Variants in GNAS observed in about 807,000 individuals in gnomAD.
GNAS encodes the protein GNAS complex locus.
In GNAS, 8 loss-of-function variants were observed where a neutral mutation model predicts 54.5. The ratio of observed to expected loss-of-function variants is 0.15; its 90% CI spans 0.09 to 0.26. The LOEUF (loss-of-function observed/expected upper bound fraction) is 0.26, where lower values mean the gene tolerates loss of function less well. Ranked by LOEUF, GNAS falls within the 10% of genes least tolerant of loss-of-function variation. The probability of loss-of-function intolerance (pLI) is 1.00; values close to 1 mark genes in which losing one functional copy is unlikely to be tolerated. For missense variants in GNAS, 170 were observed against 529.8 expected, an observed-to-expected ratio of 0.32 and a Z score of 6.67; for synonymous variants, 204 against 191.4, an observed-to-expected ratio of 1.07 and a Z score of -0.54.
chr20:58,870,014 G>T (rs1336135481), intron 1 of GNAS, among the ~76,000 whole-genome samples: 2 of 152,182 alleles, frequency 1.3e-5, no homozygotes, highest in Admixed American at 1.3e-4. Context: ...GCTGGAAAAT[G>T]ATGAGGTCAT....
intron 3 of GNAS, among the ~76,000 whole-genome samples, chr20:58,900,893 C>T (rs973150835): frequency 5.9e-5 from 9 of 152,202 alleles, no homozygotes; most frequent in Admixed American, 5.2e-4. Flanking sequence ...CTGTTTTATA[C>T]TTGATATACT....
chr20:58,900,408 C>T, intron 3 of GNAS: 1 of 208,168 alleles, frequency 4.8e-6, no homozygotes, highest in East Asian at 7.4e-5. Context: ...CATGTTTCAG[C>T]AATCCCTGTA....
chr20:58,882,880 G>A (rs2088331982), intron 1 of GNAS: 1 of 152,172 alleles, frequency 6.6e-6, no homozygotes, highest in African/African-American at 2.4e-5. Flanking sequence ...AGAATGAGAA[G>A]TTAGATTTTC....
At chr20:58,903,964 C>G (rs1569017286) in intron 5 of GNAS, among the ~76,000 whole-genome samples, 173 bp downstream of exon 5, 1 of 152,154 alleles carries the variant, frequency 6.6e-6, no homozygotes, top group Admixed American at 6.5e-5. Context: ...CATGTGTAAC[C>G]TTAATTTAAT....
intron 1 of GNAS, among the ~76,000 whole-genome samples, chr20:58,876,142 C>T (rs1321435649): frequency 1.3e-5 from 2 of 152,116 alleles, no homozygotes; most frequent in African/African-American, 2.4e-5. Flanking sequence ...CAGATATTAG[C>T]AATACTCTTA....
At position 58,841,116 on chromosome 20, in the gene GNAS, G is replaced by A. The variant is rs1032410869; in HGVS notation, c.43+230G>A. Among the ~76,000 whole-genome samples the A allele has an allele frequency of 1.2e-4, 19 of 152,214 alleles. No homozygotes were observed. Among genetic ancestry groups the A allele is most frequent in the African/African-American group, 4.1e-4 (17 of 41,568 alleles). On this transcript the variant is annotated intron_variant, in intron 1 of 12. Coordinates refer to the GNAS transcript ENST00000306090. This position sits in a 1 kb window ranked among gnomAD's most constrained non-coding sequence, Gnocchi z 5.0. ...CTTGTTGGACGGCGGGGCGCACGCC[G>A]TGCGTCCCGCTGGAGACAACCTGAG...
chr20:58,858,219 T>C (rs1458138335), intron 1 of GNAS, among the ~76,000 whole-genome samples: 1 of 152,174 alleles, frequency 6.6e-6, no homozygotes, highest in African/African-American at 2.4e-5. Context: ...CCACTGAAAA[T>C]GCAGATCAAA....
Position 58,910,117 on chromosome 20 carries a change from G to A in GNAS, c.970+36G>A, listed in dbSNP as rs2146295709. On this transcript the variant is annotated intron_variant, in intron 11 of 12. Transcript: ENST00000371085. The surrounding 1 kb of genome is among the most constrained non-coding windows in gnomAD (Gnocchi z 5.8). ...CTTCCACTCTTGCTGGCTGTTCATT[G>A]CGGTGGTTCTTTTTCAAACGGTCAG... 1.2e-6 allele frequency: 2 copies of A among 1,608,584 alleles called. No individual in the cohort carries two copies. Among genetic ancestry groups the A allele is most frequent in the Non-Finnish European group, 1.7e-6 (2 of 1,175,106 alleles).
chr20:58,899,823 A>G (rs1385909704), intron 3 of GNAS: 1 of 676,182 alleles, frequency 1.5e-6, no homozygotes, highest in African/African-American at 1.8e-5. Flanking sequence ...GAGACCATCC[A>G]GAACCATTGA....
chr20:58,889,017 C>A, upstream of GNAS: 2 of 970,528 alleles, frequency 2.1e-6, no homozygotes, highest in Non-Finnish European at 2.4e-6. Flanking sequence ...CACCGGCCTG[C>A]ACCCCCAGGG....
chr20:58,899,685 A>G (rs186041888), intron 3 of GNAS, among the ~76,000 whole-genome samples: 1 of 151,814 alleles, frequency 6.6e-6, no homozygotes, highest in African/African-American at 2.4e-5. Flanking sequence ...GCACATGCAT[A>G]CACAGACACG....
chr20:58,850,939 C>T (rs374687215), intron 1 of GNAS: 123 of 398,704 alleles, frequency 3.1e-4, no homozygotes, highest in African/African-American at 2.2e-3. Context: ...TCCGGTCTGA[C>T]GCCCCCTGCT....
intron 1 of GNAS, among the ~76,000 whole-genome samples, chr20:58,858,650 A>G (rs1318684875): frequency 2.0e-5 from 3 of 152,232 alleles, no homozygotes; most frequent in African/African-American, 4.8e-5. Flanking sequence ...GGCAAATGCT[A>G]TATATAATAA....
intron 1 of GNAS, among the ~76,000 whole-genome samples, chr20:58,868,842 G>A (rs1022144226): frequency 1.2e-4 from 18 of 152,134 alleles, no homozygotes; most frequent in Non-Finnish European, 2.5e-4. Flanking sequence ...ATTCAGGGCT[G>A]GGAAGTGGAA....
Position 58,853,876 on chromosome 20 carries a change from C to T in GNAS, c.43+12990C>T. The T allele has an allele frequency of 2.5e-6, 4 of 1,596,956 alleles. No individual in the cohort carries two copies. Among genetic ancestry groups the T allele is most frequent in the Non-Finnish European group, 3.4e-6 (4 of 1,172,276 alleles). ...GGAGCTCCTCCCGAGGAGCCCCAAG[C>T]CCTCAGGCCTGCAAAGGCTGGCTCC... On this transcript the variant is annotated intron_variant, in intron 1 of 12. Coordinates refer to the GNAS transcript ENST00000306090. The surrounding 1 kb of genome is among the most constrained non-coding windows in gnomAD (Gnocchi z 4.4).
At chr20:58,870,089 A>G (rs967696644) in intron 1 of GNAS, among the ~76,000 whole-genome samples, 2 of 152,186 alleles carry the variant, frequency 1.3e-5, no homozygotes, top group Admixed American at 6.5e-5. Context: ...ATGGGAATTT[A>G]TTTCTTTCTG....
At chr20:58,886,388 C>T (rs2088590643), upstream of GNAS, among the ~76,000 whole-genome samples, 1 of 152,138 alleles carries the variant, frequency 6.6e-6, no homozygotes, top group Non-Finnish European at 1.5e-5. Flanking sequence ...GTCTCCTGAG[C>T]CAGAGATCTG....
chr20:58,875,385 A>C (rs2087739595), intron 1 of GNAS, among the ~76,000 whole-genome samples: 1 of 152,210 alleles, frequency 6.6e-6, no homozygotes, highest in Non-Finnish European at 1.5e-5. Context: ...CATTTTCATA[A>C]AGAGCTTTAG....
intron 1 of GNAS, among the ~76,000 whole-genome samples, chr20:58,845,727 G>A (rs572701138): frequency 6.6e-6 from 1 of 152,246 alleles, no homozygotes; most frequent in African/African-American, 2.4e-5. Context: ...TAGCTATGCT[G>A]GTCCAAGCAC....
Sources: gnomAD v4.1 joint callset for allele counts (sites outside exome capture counted in the v4.1 genomes callset) on GRCh38, gnomAD v4.1.1 for gene constraint, Gnocchi (gnomAD v3.1) non-coding constraint, MANE v1.5 for transcripts, NCBI Gene and HGNC (gene_info 2026-07-23, HGNC 2026-07-21) for gene names.